Variants in ERC1 observed in about 807,000 individuals in gnomAD.
ERC1 encodes the protein ELKS/RAB6-interacting/CAST family member 1, also known as RAB6 interacting protein 2.
Under a neutral mutation model 132.0 loss-of-function variants are expected in ERC1, and 56 were observed. That is an observed-to-expected ratio of 0.42 (90% confidence interval 0.34 to 0.53). The LOEUF (loss-of-function observed/expected upper bound fraction) is 0.53, where lower values mean the gene tolerates loss of function less well. Ranked by LOEUF, ERC1 falls within the 20% of genes least tolerant of loss-of-function variation. The pLI is 0.03. For synonymous variants in ERC1, 478 were observed against 476.1 expected, an observed-to-expected ratio of 1.00 and a Z score of -0.05; for missense variants, 1,202 against 1,349.9, an observed-to-expected ratio of 0.89 and a Z score of 1.72.
rs1566271605 is a variant in ERC1, at chr12:1,214,663, CAT to C, written c.2352-22104_2352-22103del. Reference sequence around the variant, plus strand: ...AAACATAAATATGCGTGTGTGTATACATACACACACACACACACACACACACA... The same window carrying C: ...AAACATAAATATGCGTGTGTGTATACACACACACACACACACACACACACA... On this transcript the variant is annotated intron_variant, in intron 12 of 18. Coordinates refer to ENST00000360905, the MANE Select transcript of ERC1 (RefSeq NM_178040.4). Among the ~76,000 whole-genome samples the C allele has an allele frequency of 6.5e-5, 4 of 61,694 alleles. No individual in the cohort carries two copies. In the East Asian group the frequency reaches 8.5e-4, roughly 13 times the overall value. The allele number at this position is 61,694 out of a possible 152,430, so 40.5% of individuals were successfully genotyped here.
intron 1 of ERC1, among the ~76,000 whole-genome samples, chr12:997,350 A>G (rs1367004993): frequency 6.6e-6 from 1 of 152,216 alleles, no homozygotes; most frequent in Non-Finnish European, 1.5e-5. Context: ...AAGTACGAAC[A>G]TATGTGTCCT....
rs1172269593 is a variant in ERC1 at position 1,196,976 on chromosome 12, ATT to A, written c.2351+6945_2351+6946del. Among the ~76,000 whole-genome samples, 188 of 73,300 alleles carry A rather than the reference ATT, an allele frequency of 2.6e-3. 1 individual carries two copies. The highest frequency in any genetic ancestry group is 0.016 in the East Asian group (34 of 2,146). The allele number at this position is 73,300 out of a possible 152,430, so 48.1% of individuals were successfully genotyped here. ...CACACACACACATATATATATATAT[ATT>A]TTTTTTTTTTTTTTTTTTTTAAGAC... is the stretch of plus-strand genomic sequence containing the variant. On this transcript the variant is annotated intron_variant, in intron 12 of 18. Coordinates refer to ENST00000360905, the MANE Select transcript of ERC1 (RefSeq NM_178040.4).
chr12:1,439,480 C>A (rs569846132), intron 17 of ERC1, among the ~76,000 whole-genome samples: 1 of 152,324 alleles, frequency 6.6e-6, no homozygotes, highest in East Asian at 1.9e-4. Flanking sequence ...AGAAACAAAG[C>A]TCTTAGTACT....
intron 2 of ERC1, among the ~76,000 whole-genome samples, chr12:1,069,123 C>CCT (rs1482767700): frequency 6.6e-6 from 1 of 152,120 alleles, no homozygotes; most frequent in Non-Finnish European, 1.5e-5. Context: ...AAATGCTGTA[C>CCT]CTCTATTCCT....
chr12:1,487,552 G>GA (rs2094245222), intron 18 of ERC1, among the ~76,000 whole-genome samples: 1 of 70,346 alleles, frequency 1.4e-5, no homozygotes, highest in African/African-American at 4.1e-5. Context: ...AAAAGAAAAA[G>GA]AAAAGAGAAA....
At chr12:1,182,181 T>G in intron 10 of ERC1, 116 bp downstream of exon 10, 1 of 960,280 alleles carries the variant, frequency 1.0e-6, no homozygotes, top group Non-Finnish European at 1.5e-6. Flanking sequence ...CTTAATATTC[T>G]TTTAGCAGGC....
At position 1,001,556 on chromosome 12, in the gene ERC1, T is replaced by C. The variant is rs142254483; in HGVS notation, c.-157+10234T>C. 1.6e-4 allele frequency among the ~76,000 whole-genome samples: 25 copies of C among 152,360 alleles called. No homozygotes were observed. In the East Asian group the frequency reaches 4.6e-3, roughly 28 times the overall value. On this transcript the variant is annotated intron_variant, in intron 1 of 18. Coordinates refer to ENST00000360905, the MANE Select transcript of ERC1 (RefSeq NM_178040.4). ...CTCATAAAGGTAATCTCTGTCCTGA[T>C]TGTAGGAGAATCACCTTCTTTTTTT... is the stretch of plus-strand genomic sequence containing the variant.
At chr12:1,044,587 A>G (rs1297811197) in intron 2 of ERC1, among the ~76,000 whole-genome samples, 3 of 152,208 alleles carry the variant, frequency 2.0e-5, no homozygotes, top group Non-Finnish European at 2.9e-5. Flanking sequence ...ACTACCTGAC[A>G]TAATAGGTAT....
At chr12:1,129,170 T>A (rs1053152519) in intron 7 of ERC1, among the ~76,000 whole-genome samples, 3 of 152,142 alleles carry the variant, frequency 2.0e-5, no homozygotes, top group Admixed American at 6.5e-5. Context: ...GAACCATAGA[T>A]AAACTAATCT....
At chr12:1,477,994 G>A (rs10848476) in intron 18 of ERC1, among the ~76,000 whole-genome samples, 62,360 of 152,062 alleles carry the variant, frequency 0.41, 13,995 homozygotes, top group African/African-American at 0.6. Context: ...TTTATCGTCT[G>A]TTTATCATTC....
chr12:1,334,456 G>A (rs1159185524), intron 15 of ERC1, among the ~76,000 whole-genome samples: 2 of 152,178 alleles, frequency 1.3e-5, no homozygotes, highest in Non-Finnish European at 2.9e-5. Context: ...CATATGGCTA[G>A]CCAGTTACCA....
At chr12:1,030,712 C>G (rs1365274083) in intron 2 of ERC1, among the ~76,000 whole-genome samples, 25 of 152,120 alleles carry the variant, frequency 1.6e-4, no homozygotes, top group Non-Finnish European at 1.5e-5. Context: ...GAGTGAGACC[C>G]TGTCTCTAAA....
intron 15 of ERC1, among the ~76,000 whole-genome samples, chr12:1,321,167 G>A (rs2082091250): frequency 6.6e-6 from 1 of 152,216 alleles, no homozygotes; most frequent in Non-Finnish European, 1.5e-5. Flanking sequence ...GGTACACTGT[G>A]ACTTAGGTCA....
At position 1,134,804 on chromosome 12, in the gene ERC1, C is replaced by A. The variant is rs1949100876; in HGVS notation, c.1570-6816C>A. The stretch of plus-strand genomic sequence containing the variant: ...AGTGCAATGGCGTGATCTCAGCTCA[C>A]TGCAACCTCCGCCTCCCGGGTTCAA... On this transcript the variant is annotated intron_variant, in intron 7 of 18. Coordinates refer to ENST00000360905, the MANE Select transcript of ERC1 (RefSeq NM_178040.4). Among the ~76,000 whole-genome samples, 5 of 150,960 alleles carry A rather than the reference C, an allele frequency of 3.3e-5. No individual in the cohort carries two copies. The South Asian group carries it at 1.0e-3, about 32-fold the overall frequency.
chr12:1,347,749 G>A (rs577449316), intron 15 of ERC1, among the ~76,000 whole-genome samples: 7 of 152,186 alleles, frequency 4.6e-5, no homozygotes, highest in East Asian at 3.8e-4. Flanking sequence ...TTGGGAGACC[G>A]AGACGGGCAG....
intron 16 of ERC1, among the ~76,000 whole-genome samples, chr12:1,382,864 T>G (rs2088851242): frequency 6.6e-6 from 1 of 152,180 alleles, no homozygotes; most frequent in Non-Finnish European, 1.5e-5. Context: ...AAAATCTTGG[T>G]TTTTTTGAAT....
intron 2 of ERC1, among the ~76,000 whole-genome samples, chr12:1,031,004 A>G (rs1967928557): frequency 6.6e-6 from 1 of 152,204 alleles, no homozygotes; most frequent in Admixed American, 6.5e-5. Context: ...ATTAAGCAAC[A>G]TATGACTGTA....
chr12:1,142,477 G>C (rs1044724455), intron 8 of ERC1, among the ~76,000 whole-genome samples: 1 of 152,188 alleles, frequency 6.6e-6, no homozygotes, highest in African/African-American at 2.4e-5. Flanking sequence ...GTCAAGTCAA[G>C]TATATTTCTA....
intron 16 of ERC1, among the ~76,000 whole-genome samples, chr12:1,372,771 T>C (rs2087396179): frequency 6.6e-6 from 1 of 152,246 alleles, no homozygotes; most frequent in African/African-American, 2.4e-5. Context: ...CTGTACATTT[T>C]GGCTGCCCAG....
Sources: allele counts gnomAD v4.1 joint callset (sites outside exome capture counted in the v4.1 genomes callset), GRCh38; gene constraint gnomAD v4.1.1; transcripts MANE v1.5; gene names NCBI Gene and HGNC (gene_info 2026-07-23, HGNC 2026-07-21).